Variants in SLC4A8 observed in about 807,000 individuals in gnomAD.
SLC4A8 encodes the protein solute carrier family 4 member 8.
A neutral mutation model predicts 125.0 loss-of-function variants in SLC4A8; 40 were observed. The ratio of observed to expected loss-of-function variants is 0.32; its 90% confidence interval spans 0.25 to 0.42. The LOEUF (loss-of-function observed/expected upper bound fraction) is 0.42. Among genes scored for constraint, SLC4A8 ranks in the 10% least tolerant of loss-of-function variants. The pLI, the probability that SLC4A8 is intolerant of heterozygous loss-of-function variation, is 1.00. For synonymous variants in SLC4A8, 456 were observed against 476.0 expected (o/e 0.96, Z 0.55); for missense variants, 863 against 1,355.1 (o/e 0.64, Z 5.70).
At chr12:51,441,764 C>T (rs1949606211) in intron 2 of SLC4A8, among the ~76,000 whole-genome samples, 1 of 152,166 alleles carries the variant, frequency 6.6e-6, no homozygotes, top group African/African-American at 2.4e-5. Context: ...GTTGTACAAC[C>T]TCCAGAGAAA....
chr12:51,410,852 C>CTTTCTTTTCG (rs1948578719), intron 1 of SLC4A8, among the ~76,000 whole-genome samples: 1 of 148,116 alleles, frequency 6.8e-6, no homozygotes, highest in African/African-American at 2.5e-5. Context: ...TTCGAACAAT[C>CTTTCTTTTCG]TTTCTTTTCT....
At chr12:51,419,837 C>T (rs766914528), upstream of SLC4A8, among the ~76,000 whole-genome samples, 8 of 152,194 alleles carry the variant, frequency 5.3e-5, no homozygotes, top group Non-Finnish European at 2.9e-5. Flanking sequence ...TGTGGTGTAA[C>T]GAAGTTCTGT....
chr12:51,436,106 A>G (rs1205707674), intron 1 of SLC4A8, among the ~76,000 whole-genome samples: 2 of 152,156 alleles, frequency 1.3e-5, no homozygotes, highest in Non-Finnish European at 2.9e-5. Flanking sequence ...CATGGCTCTT[A>G]TTTACCTTTT....
chr12:51,480,229 C>T (rs546003246), intron 16 of SLC4A8: 4 of 1,261,788 alleles, frequency 3.2e-6, no homozygotes, highest in African/African-American at 1.6e-5. Flanking sequence ...ATGAGCCTGG[C>T]CAAGTGCTAT....
chr12:51,443,565 G>T lies in SLC4A8; in HGVS notation c.130+2776G>T, dbSNP rs542630909. On this transcript the variant is annotated intron_variant, in intron 2 of 24. Transcript: ENST00000453097. ...GGCAGTTGCTTTAGTTAGAGGGATG[G>T]CTTTTTCCATTTTTTCCTGGCAGAT... 1.0e-3 allele frequency among the ~76,000 whole-genome samples: 158 copies of T among 152,170 alleles called. 1 individual carries two copies. The highest frequency in any genetic ancestry group is 3.6e-3 in the African/African-American group (150 of 41,518).
At chr12:51,467,446 G>A (rs1950555701) in intron 11 of SLC4A8, 1 of 152,184 alleles carries the variant, frequency 6.6e-6, no homozygotes, top group Admixed American at 6.5e-5. Context: ...GCAGGTGGGT[G>A]TCTGTCCTGT....
At chr12:51,493,408 G>C (rs1270685895) in intron 19 of SLC4A8, among the ~76,000 whole-genome samples, 1 of 150,642 alleles carries the variant, frequency 6.6e-6, no homozygotes, top group South Asian at 2.1e-4. Context: ...GTGTGTGTTT[G>C]TGTGTGTGTG....
chr12:51,450,282 T>C (rs953979387), intron 2 of SLC4A8, among the ~76,000 whole-genome samples: 2 of 152,230 alleles, frequency 1.3e-5, no homozygotes, highest in Non-Finnish European at 2.9e-5. Flanking sequence ...ATTCCAGGCA[T>C]GTGTTAAGCA....
At chr12:51,413,553 T>G (rs1488887959) in intron 1 of SLC4A8, among the ~76,000 whole-genome samples, 1 of 152,246 alleles carries the variant, frequency 6.6e-6, no homozygotes, top group Non-Finnish European at 1.5e-5. Context: ...GTTCCTGGTC[T>G]TACATTTAAG....
At chr12:51,487,202 G>A (rs904149644) in intron 17 of SLC4A8, among the ~76,000 whole-genome samples, 2 of 152,200 alleles carry the variant, frequency 1.3e-5, no homozygotes, top group African/African-American at 4.8e-5. Flanking sequence ...TCCATTTTCA[G>A]GAGGCAGAGA....
At chr12:51,442,104 T>G (rs983831679) in intron 2 of SLC4A8, among the ~76,000 whole-genome samples, 1 of 152,138 alleles carries the variant, frequency 6.6e-6, no homozygotes, top group African/African-American at 2.4e-5. Flanking sequence ...ATTATCCCTA[T>G]TTTACACATG....
At chr12:51,417,283 C>T (rs1912793) in intron 1 of SLC4A8, among the ~76,000 whole-genome samples, 59,460 of 151,888 alleles carry the variant, frequency 0.39, 12,220 homozygotes, top group Non-Finnish European at 0.45. Flanking sequence ...TCAAGTGACC[C>T]TCCTGCCTCA....
Position 51,489,896 on chromosome 12 carries a change from G to C in SLC4A8, c.2645G>C (p.Gly882Ala). Residue 882 changes from glycine (G) to alanine (A), a missense_variant, in exon 19 of 25, where the codon GGC (glycine) becomes GCC (alanine). This residue lies in a region of SLC4A8 where 197 missense variants were observed against 377.7 expected (regional missense o/e 0.52). Transcript: ENST00000453097. ...GGCATCCGAGAACAGAGAGTGACAG[G>C]CCTTATGATCTTTGTGCTGATGGGC... ...FLGIREQRVTGLMIFVLMGCS... is the reference protein window; with the variant it reads ...FLGIREQRVTALMIFVLMGCS... 1.9e-6 allele frequency: 3 copies of C among 1,614,182 alleles called. No homozygotes were observed. Among genetic ancestry groups the C allele is most frequent in the Non-Finnish European group, 1.7e-6 (2 of 1,180,030 alleles).
At chr12:51,478,649 A>G (rs933244266) in intron 16 of SLC4A8, among the ~76,000 whole-genome samples, 8 of 152,206 alleles carry the variant, frequency 5.3e-5, no homozygotes, top group African/African-American at 1.9e-4. Context: ...CAAATTACTC[A>G]GTCGAATGAA....
intron 1 of SLC4A8, among the ~76,000 whole-genome samples, chr12:51,414,175 G>A (rs1311962936): frequency 7.5e-6 from 1 of 133,796 alleles, no homozygotes; most frequent in Non-Finnish European, 1.6e-5. Context: ...TTTTTTTTTT[G>A]TAGCTATTGT....
intron 1 of SLC4A8, among the ~76,000 whole-genome samples, chr12:51,395,773 A>C (rs558108111): frequency 6.6e-6 from 1 of 152,284 alleles, no homozygotes; most frequent in African/African-American, 2.4e-5. Context: ...GAAACAACGG[A>C]GTCTCCCACT....
intron 2 of SLC4A8, among the ~76,000 whole-genome samples, chr12:51,443,127 G>A (rs1949654510): frequency 6.6e-6 from 1 of 151,950 alleles, no homozygotes. Flanking sequence ...TTTTGTTTTT[G>A]TTTGATTGTT....
At chr12:51,401,298 G>A (rs1313081215) in intron 1 of SLC4A8, among the ~76,000 whole-genome samples, 2 of 152,100 alleles carry the variant, frequency 1.3e-5, no homozygotes, top group African/African-American at 2.4e-5. Flanking sequence ...TTCTTGCCTT[G>A]GTGTACCGGA....
chr12:51,494,790 G>A, intron 20 of SLC4A8, 155 bp from the exon 21 acceptor site: 2 of 559,588 alleles, frequency 3.6e-6, no homozygotes, highest in South Asian at 3.8e-5. Flanking sequence ...TGGCCAAATT[G>A]CCTGGTCTTT....
Sources: gnomAD v4.1 joint callset for allele counts (sites outside exome capture counted in the v4.1 genomes callset) on GRCh38, gnomAD v4.1.1 for gene constraint, gnomAD v4.1.1 regional missense constraint, MANE v1.5 for transcripts, NCBI Gene and HGNC (gene_info 2026-07-23, HGNC 2026-07-21) for gene names.